ACOXL: variants seen among roughly 807,000 people sequenced by gnomAD.
ACOXL encodes the protein acyl-coenzyme A oxidase-like protein.
A neutral mutation model predicts 71.9 loss-of-function variants in ACOXL; 70 were observed. That is an observed-to-expected ratio of 0.97 (90% confidence interval 0.80 to 1.19). The LOEUF is 1.19. Among genes scored for constraint, ACOXL ranks in the 50% most tolerant of loss-of-function variants. ACOXL has a pLI of 0.00. For missense variants in ACOXL, 703 were observed against 736.3 expected, an observed-to-expected ratio of 0.95 and a Z score of 0.52; for synonymous variants, 253 against 281.6, an observed-to-expected ratio of 0.90 and a Z score of 1.02.
At chr2:110,920,621 G>A (rs115699309) in intron 11 of ACOXL, among the ~76,000 whole-genome samples, 45 of 152,102 alleles carry the variant, frequency 3.0e-4, no homozygotes, top group African/African-American at 1.1e-3. Context: ...TTGAAATTGG[G>A]TAGTGTCAGC....
intron 11 of ACOXL, among the ~76,000 whole-genome samples, chr2:110,916,408 G>C (rs997263890): frequency 2.0e-5 from 3 of 152,064 alleles, no homozygotes; most frequent in African/African-American, 7.2e-5. Context: ...CACAGCTATA[G>C]CAATGTTTAG....
At chr2:110,771,678 A>G (rs1251958880) in intron 2 of ACOXL, among the ~76,000 whole-genome samples, 1 of 152,270 alleles carries the variant, frequency 6.6e-6, no homozygotes, top group Admixed American at 6.5e-5. Flanking sequence ...GTGCACGCAC[A>G]CACACACAGA....
chr2:111,030,994 A>G (rs1341322094), intron 14 of ACOXL, among the ~76,000 whole-genome samples: 1 of 152,234 alleles, frequency 6.6e-6, no homozygotes, highest in African/African-American at 2.4e-5. Flanking sequence ...ACTAAAACAC[A>G]AAGCAAAGAA....
At position 110,808,185 on chromosome 2, in the gene ACOXL, T is replaced by A. The variant is rs1241986317; in HGVS notation, c.753+2790T>A. Among the ~76,000 whole-genome samples the A allele has an allele frequency of 2.6e-5, 4 of 152,242 alleles. No individual in the cohort carries two copies. In the South Asian group the frequency reaches 6.2e-4, roughly 24 times the overall value. ...GCCTGTGCTGGGAGGCTGGGAAACCTTTTCAGAAGGAGGAAGCTGGGCACC... is the reference window on the plus strand; with the variant it reads ...GCCTGTGCTGGGAGGCTGGGAAACCATTTCAGAAGGAGGAAGCTGGGCACC... On this transcript the variant is annotated intron_variant, in intron 9 of 17. Coordinates refer to ENST00000439055, the MANE Select transcript of ACOXL (RefSeq NM_001142807.4).
At chr2:110,801,570 T>C in intron 7 of ACOXL, 82 bp from the exon 8 acceptor site, 1 of 1,225,870 alleles carries the variant, frequency 8.2e-7, no homozygotes. Flanking sequence ...AGGGGCTTTG[T>C]ATTTTAGTGG....
At chr2:110,874,213 G>T (rs369967950) in intron 10 of ACOXL, among the ~76,000 whole-genome samples, 3 of 152,192 alleles carry the variant, frequency 2.0e-5, no homozygotes, top group African/African-American at 7.2e-5. Context: ...AATGCTTTTG[G>T]GGGGGTGGTG....
intron 7 of ACOXL, among the ~76,000 whole-genome samples, chr2:110,800,337 G>A (rs1685819001): frequency 6.6e-6 from 1 of 152,100 alleles, no homozygotes; most frequent in South Asian, 2.1e-4. Context: ...ATGTTAACCT[G>A]GTGTTCTCCC....
intron 1 of ACOXL, among the ~76,000 whole-genome samples, chr2:110,754,150 A>G (rs1303734582): frequency 6.7e-6 from 1 of 148,308 alleles, no homozygotes; most frequent in Non-Finnish European, 1.5e-5. Flanking sequence ...TTGGCTCACT[A>G]CAGCCTCAAC....
intron 10 of ACOXL, among the ~76,000 whole-genome samples, chr2:110,903,503 G>A (rs1176753374): frequency 2.0e-5 from 3 of 152,198 alleles, no homozygotes; most frequent in Admixed American, 2.0e-4. Flanking sequence ...GTGCGCACAA[G>A]CACCACTTTT....
At chr2:110,984,752 T>A (rs1471691) in intron 12 of ACOXL, among the ~76,000 whole-genome samples, 136,750 of 152,304 alleles carry the variant, frequency 0.9, 61,654 homozygotes, top group African/African-American at 0.97. Context: ...GTTAAAGGAG[T>A]TTATCAAGGA....
intron 9 of ACOXL, among the ~76,000 whole-genome samples, chr2:110,818,481 G>T (rs1393421146): frequency 3.8e-5 from 5 of 130,854 alleles, no homozygotes; most frequent in Admixed American, 2.5e-4. Flanking sequence ...ATGTGTATGT[G>T]TGTATATATA....
At chr2:110,886,945 C>T (rs1397680234) in intron 10 of ACOXL, 1 of 1,425,920 alleles carries the variant, frequency 7.0e-7, no homozygotes, top group Non-Finnish European at 9.6e-7. Flanking sequence ...TGGCAGATCC[C>T]TATAGGCTTC....
At position 110,798,004 on chromosome 2, in the gene ACOXL, G is replaced by A. The variant is rs189511452; in HGVS notation, c.346-606G>A. 9.2e-5 allele frequency among the ~76,000 whole-genome samples: 14 copies of A among 152,238 alleles called. No homozygotes were observed. In the East Asian group the frequency reaches 2.7e-3, roughly 29 times the overall value. ...TAAAGAGGAGAGACTGGGAGGGAGA[G>A]AACAAACACCTTTTAAAGATTGAAA... On this transcript the variant is annotated intron_variant, in intron 5 of 17. Transcript: ENST00000439055.
intron 1 of ACOXL, among the ~76,000 whole-genome samples, chr2:110,748,101 A>G (rs908600848): frequency 1.3e-5 from 2 of 152,020 alleles, no homozygotes; most frequent in African/African-American, 4.8e-5. Context: ...CGTGGGGCTT[A>G]GTGATAATGT....
intron 10 of ACOXL, among the ~76,000 whole-genome samples, chr2:110,863,021 G>A (rs1694146180): frequency 6.6e-6 from 1 of 152,174 alleles, no homozygotes; most frequent in Non-Finnish European, 1.5e-5. Flanking sequence ...GTAGGTGTTT[G>A]AGTTTGCAAA....
chr2:110,945,547 A>T (rs757829644), intron 12 of ACOXL, among the ~76,000 whole-genome samples: 4 of 152,162 alleles, frequency 2.6e-5, no homozygotes, highest in African/African-American at 4.8e-5. Flanking sequence ...GTCCAGTTCC[A>T]ATCTTCTGCA....
At chr2:111,066,234 T>A (rs1349371036) in intron 16 of ACOXL, among the ~76,000 whole-genome samples, 1 of 152,166 alleles carries the variant, frequency 6.6e-6, no homozygotes, top group Non-Finnish European at 1.5e-5. Context: ...TACATTCACA[T>A]GGGGAATCAC....
chr2:111,065,072 G>A (rs1192656863), intron 16 of ACOXL, among the ~76,000 whole-genome samples: 1 of 152,164 alleles, frequency 6.6e-6, no homozygotes, highest in African/African-American at 2.4e-5. Context: ...AAAGAATAAA[G>A]TGGGAGGAAT....
intron 14 of ACOXL, among the ~76,000 whole-genome samples, chr2:111,028,065 G>A (rs968709338): frequency 6.7e-6 from 1 of 149,902 alleles, no homozygotes; most frequent in Non-Finnish European, 1.5e-5. Context: ...TTGTGCACCT[G>A]TAGTCCCGGC....
Sources: gnomAD v4.1 joint callset for allele counts (sites outside exome capture counted in the v4.1 genomes callset) on GRCh38, gnomAD v4.1.1 for gene constraint, MANE v1.5 for transcripts, NCBI Gene and HGNC (gene_info 2026-07-23, HGNC 2026-07-21) for gene names.